ASGR1: variants seen among roughly 807,000 people sequenced by gnomAD.
ASGR1 encodes the protein asialoglycoprotein receptor 1.
In ASGR1, 35 loss-of-function variants were observed where a neutral mutation model predicts 33.1. The observed-to-expected ratio is 1.06, with a 90% CI of 0.81 to 1.40. The LOEUF is 1.40. Among genes scored for constraint, ASGR1 ranks in the 40% most tolerant of loss-of-function variants. ASGR1 has a pLI of 0.00. For synonymous variants in ASGR1, 142 were observed against 152.5 expected (o/e 0.93, Z 0.51); for missense variants, 396 against 373.7 (o/e 1.06, Z -0.49).
chr17:7,178,192 G>C, intron 2 of ASGR1: 1 of 421,340 alleles, frequency 2.4e-6, no homozygotes, highest in Admixed American at 3.4e-5. Context: ...GCGTGACTTC[G>C]TCATAGGAAG....
rs528593210 is a variant in ASGR1, at chr17:7,175,280, C to A, written c.356-820G>T. On this transcript the variant is annotated intron_variant, in intron 5 of 8. Transcript: ENST00000269299. ...CCTCACACACACACACGGAACACAC[C>A]CTAATCTACAGTCACTACACACACA... is the stretch of plus-strand genomic sequence containing the variant. 2.7e-5 allele frequency among the ~76,000 whole-genome samples: 4 copies of A among 147,752 alleles called. No individual in the cohort carries two copies. In the South Asian group the frequency reaches 8.7e-4, roughly 32 times the overall value.
chr17:7,176,183 ACACT>A (rs1340094163), intron 5 of ASGR1, among the ~76,000 whole-genome samples: 28 of 145,216 alleles, frequency 1.9e-4, no homozygotes, highest in East Asian at 1.0e-3. Context: ...TCTCATTCTC[ACACT>A]CACACACACC....
chr17:7,175,371 C>T (rs986184746), intron 5 of ASGR1, among the ~76,000 whole-genome samples: 1 of 148,004 alleles, frequency 6.8e-6, no homozygotes. Context: ...ACACCCTCAC[C>T]CAAACACACA....
In ASGR1 at chr17:7,174,319, A is replaced by G. The variant is rs774516771; in HGVS notation, c.443-30T>C. The G allele has an allele frequency of 1.9e-6, 3 of 1,613,688 alleles. No individual in the cohort carries two copies. In the Admixed American group the frequency reaches 5.0e-5, roughly 27 times the overall value. On this transcript the variant is annotated intron_variant, in intron 6 of 8. Coordinates refer to ENST00000269299, the MANE Select transcript of ASGR1 (RefSeq NM_001671.5). ...GCGGGAGAAACGGGGCGCAGGGGCTAAGCGCTGCCCAGAGAAGGGGGGAGG... is the reference window on the plus strand; with the variant it reads ...GCGGGAGAAACGGGGCGCAGGGGCTGAGCGCTGCCCAGAGAAGGGGGGAGG...
intron 2 of ASGR1, 47 bp from the exon 3 acceptor site, chr17:7,177,373 G>A (rs2142769109): frequency 6.6e-7 from 1 of 1,511,352 alleles, no homozygotes; most frequent in South Asian, 1.1e-5. Context: ...AGGGGACCCT[G>A]GCACAGCTCC....
chr17:7,175,781 T>TCACACA (rs202051463), intron 5 of ASGR1, among the ~76,000 whole-genome samples: 25 of 135,354 alleles, frequency 1.8e-4, no homozygotes, highest in African/African-American at 8.3e-4. Context: ...TCACACAGGC[T>TCACACA]CTCACACACA....
At chr17:7,174,625 A>G (rs1206819893) in intron 5 of ASGR1, among the ~76,000 whole-genome samples, 165 bp from the exon 6 acceptor site, 1 of 151,484 alleles carries the variant, frequency 6.6e-6, no homozygotes, top group Non-Finnish European at 1.5e-5. Flanking sequence ...ACACACACAC[A>G]CACACTCCTA....
chr17:7,174,201 G>A lies in ASGR1; in HGVS notation c.531C>T (p.Asp177=). 6.2e-7 allele frequency: 1 copy of A among 1,614,182 alleles called. No individual in the cohort carries two copies. Among genetic ancestry groups the A allele is most frequent in the East Asian group, 2.2e-5 (1 of 44,892 alleles). Residue 177 remains aspartate (D), a synonymous_variant, in exon 7 of 9, where the codon GAC becomes GAT. Coordinates refer to ENST00000269299, the MANE Select transcript of ASGR1 (RefSeq NM_001671.5). ...WFSRSGKAWA[D]ADNYCRLEDA... is the part of the protein sequence containing the mutation. ...CCTCCAGCCGGCAGTAGTTGTCGGC[G>A]TCAGCCCAGGCCTTCCCGGAGCGAG...
chr17:7,178,390 C>T, intron 2 of ASGR1, 104 bp downstream of exon 2: 5 of 1,219,590 alleles, frequency 4.1e-6, no homozygotes, highest in Non-Finnish European at 6.0e-6. Flanking sequence ...GGGAGACAGA[C>T]CCAGAGAGAG....
intron 5 of ASGR1, among the ~76,000 whole-genome samples, chr17:7,176,377 TACACTC>T (rs2069208439): frequency 7.6e-6 from 1 of 131,782 alleles, no homozygotes; most frequent in African/African-American, 2.9e-5. Context: ...ATCTCATTCT[TACACTC>T]AGACTCACAC....
In ASGR1 at chr17:7,173,659, T is replaced by C. The variant is rs1052586480; in HGVS notation, c.876A>G (p.Ter292=). The change falls in exon 9 of 9, where the codon TAA becomes TAG. Residue 292 remains the stop codon, a stop_retained_variant. Coordinates refer to ENST00000269299, the MANE Select transcript of ASGR1 (RefSeq NM_001671.5). This position sits in a 1 kb window ranked among gnomAD's most constrained non-coding sequence, Gnocchi z 4.7. ...DKASQEPPLL[*] Reference sequence around the variant, plus strand: ...CAGGTCGAGGCATTGAAGAAATAAATTAAAGGAGAGGTGGCTCCTGGCTGG... The same window carrying C: ...CAGGTCGAGGCATTGAAGAAATAAACTAAAGGAGAGGTGGCTCCTGGCTGG... 6.2e-7 allele frequency: 1 copy of C among 1,612,922 alleles called. No homozygotes were observed. The highest frequency in any genetic ancestry group is 2.2e-5 in the East Asian group (1 of 44,862).
intron 5 of ASGR1, 87 bp downstream of exon 5, chr17:7,176,743 C>T: frequency 6.4e-7 from 1 of 1,551,448 alleles, no homozygotes; most frequent in East Asian, 2.3e-5. Context: ...CACACACATC[C>T]ACACACACTC....
chr17:7,175,635 TCA>T (rs1036871345), intron 5 of ASGR1, among the ~76,000 whole-genome samples: 15 of 148,862 alleles, frequency 1.0e-4, no homozygotes, highest in African/African-American at 2.7e-4. Flanking sequence ...ACACACGTTC[TCA>T]CATACACTGA....
intron 5 of ASGR1, chr17:7,176,526 C>CA (rs2069212640): frequency 2.9e-5 from 14 of 483,300 alleles, no homozygotes; most frequent in Admixed American, 4.0e-5. Context: ...CCCTCTCATT[C>CA]CCACACACAC....
intron 5 of ASGR1, 93 bp downstream of exon 5, chr17:7,176,737 C>CACATCCACACACACTCACACTT: frequency 6.5e-7 from 1 of 1,542,778 alleles, no homozygotes; most frequent in Non-Finnish European, 8.8e-7. Flanking sequence ...CATTCTCACA[C>CACATCCACACACACTCACACTT]ACATCCACAC....
intron 5 of ASGR1, among the ~76,000 whole-genome samples, chr17:7,175,611 C>T (rs111210288): frequency 0.021 from 3,118 of 151,654 alleles, 56 homozygotes; most frequent in South Asian, 0.088. Context: ...TTCTCACACA[C>T]GCAACACACT....
intron 2 of ASGR1, 45 bp from the exon 3 acceptor site, chr17:7,177,371 C>A (rs1333848294): frequency 6.6e-7 from 1 of 1,516,908 alleles, no homozygotes; most frequent in Non-Finnish European, 9.1e-7. Flanking sequence ...AGAGGGGACC[C>A]TGGCACAGCT....
At chr17:7,178,264 G>C in intron 2 of ASGR1, 1 of 551,910 alleles carries the variant, frequency 1.8e-6, no homozygotes, top group Non-Finnish European at 3.3e-6. Context: ...CCACCTCCGA[G>C]GGCCAGGAGG....
intron 2 of ASGR1, chr17:7,178,267 C>G: frequency 1.8e-6 from 1 of 560,602 alleles, no homozygotes. Context: ...CCTCCGAGGG[C>G]CAGGAGGCAC....
Sources: gnomAD v4.1 joint callset for allele counts (sites outside exome capture counted in the v4.1 genomes callset) on GRCh38, gnomAD v4.1.1 for gene constraint, Gnocchi (gnomAD v3.1) non-coding constraint, MANE v1.5 for transcripts, NCBI Gene and HGNC (gene_info 2026-07-23, HGNC 2026-07-21) for gene names.